Variants in DHCR24 observed in about 807,000 individuals in gnomAD.
The protein encoded by DHCR24 is 24-dehydrocholesterol reductase, also known as delta(24)-sterol reductase.
A neutral mutation model predicts 61.2 loss-of-function variants in DHCR24; 28 were observed. The observed-to-expected ratio is 0.46, with a 90% CI of 0.34 to 0.63. The LOEUF (loss-of-function observed/expected upper bound fraction) is 0.63. Among genes scored for constraint, DHCR24 ranks in the 20% least tolerant of loss-of-function variants. DHCR24 has a pLI of 0.01. For synonymous variants in DHCR24, 261 were observed against 275.9 expected, an observed-to-expected ratio of 0.95 and a Z score of 0.54; for missense variants, 538 against 679.1, an observed-to-expected ratio of 0.79 and a Z score of 2.31.
Position 54,869,630 on chromosome 1 carries a change from G to A in DHCR24, c.876+1720C>T, listed in dbSNP as rs555599214. ...AGAGAAATAGGTCTCGGCTGGGTGTGGTGGCTCACACCTGTAATCCCAGTA... is the reference window on the plus strand; with the variant it reads ...AGAGAAATAGGTCTCGGCTGGGTGTAGTGGCTCACACCTGTAATCCCAGTA... On this transcript the variant is annotated intron_variant, in intron 5 of 8. Transcript: ENST00000371269. Among the ~76,000 whole-genome samples the A allele has an allele frequency of 3.3e-3, 505 of 152,058 alleles. 2 individuals are homozygous for A. Among genetic ancestry groups the A allele is most frequent in the African/African-American group, 0.012 (484 of 41,474 alleles).
chr1:54,878,706 TA>T (rs1557439085), intron 2 of DHCR24, among the ~76,000 whole-genome samples: 1 of 151,984 alleles, frequency 6.6e-6, no homozygotes, highest in Non-Finnish European at 1.5e-5. Flanking sequence ...TGGCCCCATC[TA>T]AAAAATTGAG....
chr1:54,867,869 C>T (rs540665314), intron 5 of DHCR24, among the ~76,000 whole-genome samples: 19 of 152,318 alleles, frequency 1.2e-4, no homozygotes, highest in Admixed American at 5.9e-4. Context: ...CCAGGACCTC[C>T]AGCACTTACC....
chr1:54,865,278 A>G (rs780813458), intron 6 of DHCR24, 25 bp downstream of exon 6: 1 of 1,607,774 alleles, frequency 6.2e-7, no homozygotes. Context: ...TGGAGGAGCC[A>G]GGGCTACAGA....
chr1:54,871,160 T>C (rs746608360), intron 5 of DHCR24, among the ~76,000 whole-genome samples, 190 bp downstream of exon 5: 28 of 151,918 alleles, frequency 1.8e-4, no homozygotes, highest in Non-Finnish European at 3.4e-4. Context: ...AGGGGCAGAG[T>C]AGATGAAAGC....
Position 54,850,752 on chromosome 1 carries a change from T to C in DHCR24, c.*1481A>G, listed in dbSNP as rs1325710821. 3 of 152,216 alleles carry C rather than the reference T, an allele frequency of 2.0e-5. No homozygotes were observed. The East Asian group carries it at 5.8e-4, about 29-fold the overall frequency. 9.4% of individuals were successfully genotyped at this position (152,216 alleles called of 1,614,324 possible). A position where few individuals can be genotyped will look rare whatever the true frequency, so the allele number is the denominator to read the frequency against. Reference sequence around the variant, plus strand: ...ACACAAATGAGGCTTTCCGTGGGTTTTGCAACCACAGTGTCTAAGACAATC... The same window carrying C: ...ACACAAATGAGGCTTTCCGTGGGTTCTGCAACCACAGTGTCTAAGACAATC... On this transcript the variant is annotated 3_prime_UTR_variant, in exon 9 of 9. Transcript: ENST00000371269.
rs1646963264 is a variant in DHCR24, at chr1:54,865,439, C to T, written c.884G>A (p.Ser295Asn). The change falls in exon 6 of 9, where the codon AGC becomes AAC. Residue 295 changes from serine to asparagine, a missense_variant. Ser to Asn is a conservative substitution (Grantham distance 46, BLOSUM62 1). Transcript: ENST00000371269. ...CCACGGCTTGTAGTAATTGCCAATG[C>T]TATTCAGCTGAAATGACAGAGGGCA... is the stretch of plus-strand genomic sequence containing the variant. ...TDEAEPSKLN[S>N]IGNYYKPWFF... The T allele has an allele frequency of 2.5e-6, 4 of 1,614,148 alleles. No individual in the cohort carries two copies. Among genetic ancestry groups the T allele is most frequent in the Non-Finnish European group, 3.4e-6 (4 of 1,180,032 alleles).
In DHCR24 at chr1:54,883,098, T is replaced by C. The variant is rs148820481; in HGVS notation, c.387+520A>G. On this transcript the variant is annotated intron_variant, in intron 2 of 8. Coordinates refer to ENST00000371269, the MANE Select transcript of DHCR24 (RefSeq NM_014762.4). This position sits in a 1 kb window ranked among gnomAD's most constrained non-coding sequence, Gnocchi z 4.3. ...TACCCTATTATTGGATATTGTGTTG[T>C]TGTCAATTAGAAATAAAGCTGTGAT... is the stretch of plus-strand genomic sequence containing the variant. Among the ~76,000 whole-genome samples the C allele has an allele frequency of 2.3e-4, 35 of 152,336 alleles. No homozygotes were observed. Among genetic ancestry groups the C allele is most frequent in the African/African-American group, 7.9e-4 (33 of 41,578 alleles).
chr1:54,886,607 G>C, intron 1 of DHCR24: 1 of 1,454,518 alleles, frequency 6.9e-7, no homozygotes, highest in South Asian at 1.2e-5. Context: ...CTTGGGCCGG[G>C]TGAGAGTTAC....
intron 1 of DHCR24, among the ~76,000 whole-genome samples, chr1:54,885,684 G>A (rs1647089541): frequency 6.6e-6 from 1 of 152,176 alleles, no homozygotes; most frequent in African/African-American, 2.4e-5. Flanking sequence ...AGTGAATCTT[G>A]TGGCTTAGCC....
In DHCR24 at chr1:54,875,193, G is replaced by A. The variant is rs771852155; in HGVS notation, c.512C>T (p.Thr171Ile). The A allele has an allele frequency of 6.2e-7, 1 of 1,614,204 alleles. No individual in the cohort carries two copies. Among genetic ancestry groups the A allele is most frequent in the Non-Finnish European group, 8.5e-7 (1 of 1,180,036 alleles). ...DLTVGGLIMG[T>I]GIESSSHKYG... The stretch of plus-strand genomic sequence containing the variant: ...CTTGTGGGATGATGACTCGATGCCT[G>A]TGCCCATGATCAAGCCCCCTGCAGA... Residue 171 changes from threonine (T) to isoleucine (I), a missense_variant, in exon 4 of 9, where the codon ACA (threonine) becomes ATA (isoleucine). Transcript: ENST00000371269.
At chr1:54,857,912 A>C (rs557957596) in intron 6 of DHCR24, among the ~76,000 whole-genome samples, 2 of 152,270 alleles carry the variant, frequency 1.3e-5, no homozygotes, top group South Asian at 4.1e-4. Context: ...AGAATGGACT[A>C]ATCACCCAGA....
intron 4 of DHCR24, among the ~76,000 whole-genome samples, chr1:54,874,313 G>C (rs1439178369): frequency 6.6e-6 from 1 of 152,168 alleles, no homozygotes; most frequent in Non-Finnish European, 1.5e-5. Context: ...AGTCCTGCAA[G>C]CTCCATGCAT....
rs1236586416 is a variant in DHCR24 at position 54,865,354 on chromosome 1, G to C, written c.969C>G (p.Pro323=). 1.9e-6 allele frequency: 3 copies of C among 1,614,142 alleles called. No individual in the cohort carries two copies. The South Asian group carries it at 3.3e-5, about 18-fold the overall frequency. ...KTNREGLEYI[P]LRHYYHRHTR... is the part of the protein sequence containing the mutation. ...TGTGGCGGTGGTAGTAGTGTCTCAA[G>C]GGAATGTACTCCAGGCCCTCTCGGT... Residue 323 remains proline, a synonymous_variant, in exon 6 of 9, where the codon CCC becomes CCG. Coordinates refer to ENST00000371269, the MANE Select transcript of DHCR24 (RefSeq NM_014762.4).
chr1:54,878,996 GA>G (rs1386130360), intron 2 of DHCR24, among the ~76,000 whole-genome samples: 1 of 152,042 alleles, frequency 6.6e-6, no homozygotes, highest in Non-Finnish European at 1.5e-5. Flanking sequence ...CTCTATATTC[GA>G]AAATTTAACT....
intron 1 of DHCR24, among the ~76,000 whole-genome samples, chr1:54,886,323 A>G (rs1289762412): frequency 6.6e-6 from 1 of 152,060 alleles, no homozygotes; most frequent in Non-Finnish European, 1.5e-5. Context: ...GCTGGGTTCT[A>G]CCTTCTTGCT....
chr1:54,879,117 GA>G (rs1647050753), intron 2 of DHCR24, among the ~76,000 whole-genome samples: 1 of 152,078 alleles, frequency 6.6e-6, no homozygotes, highest in Non-Finnish European at 1.5e-5. Flanking sequence ...ATCAGGAGTT[GA>G]AACCAGCCTA....
intron 6 of DHCR24, among the ~76,000 whole-genome samples, chr1:54,858,958 C>G (rs1411124591): frequency 6.6e-6 from 1 of 152,138 alleles, no homozygotes; most frequent in Non-Finnish European, 1.5e-5. Context: ...TTAACATATG[C>G]CCCTAGATTC....
Position 54,875,923 on chromosome 1 carries a change from G to A in DHCR24, c.493+19C>T, listed in dbSNP as rs201947223. The A allele has an allele frequency of 3.3e-5, 53 of 1,605,344 alleles. No homozygotes were observed. Among genetic ancestry groups the A allele is most frequent in the Middle Eastern group, 1.7e-4 (1 of 6,042 alleles). ...TAGGACCGTGTGTCTCTTCTTGCCC[G>A]TTAATATAGGGTCCTCACCCACTGT... On this transcript the variant is annotated intron_variant, in intron 3 of 8. Transcript: ENST00000371269.
At chr1:54,854,887 G>A (rs913468184) in intron 6 of DHCR24, among the ~76,000 whole-genome samples, 1 of 152,170 alleles carries the variant, frequency 6.6e-6, no homozygotes, top group Admixed American at 6.5e-5. Flanking sequence ...CTGCCACGAG[G>A]CGGGAGCTTC....
Sources: gnomAD v4.1 joint callset for allele counts (sites outside exome capture counted in the v4.1 genomes callset) on GRCh38, gnomAD v4.1.1 for gene constraint, Gnocchi (gnomAD v3.1) non-coding constraint, MANE v1.5 for transcripts, NCBI Gene and HGNC (gene_info 2026-07-23, HGNC 2026-07-21) for gene names.